DNAJC1: variants seen among roughly 807,000 people sequenced by gnomAD.
The protein encoded by DNAJC1 is dnaJ homolog subfamily C member 1.
In DNAJC1, 58 loss-of-function variants were observed where a neutral mutation model predicts 76.6. The ratio of observed to expected loss-of-function variants is 0.76; its 90% CI spans 0.61 to 0.94. The LOEUF (loss-of-function observed/expected upper bound fraction) is 0.94, where lower values mean the gene tolerates loss of function less well. Among genes scored for constraint, DNAJC1 ranks in the 40% least tolerant of loss-of-function variants. The probability of loss-of-function intolerance (pLI) is 0.00; values close to 1 mark genes in which losing one functional copy is unlikely to be tolerated. For missense variants in DNAJC1, 689 were observed against 677.3 expected, an observed-to-expected ratio of 1.02 and a Z score of -0.19; for synonymous variants, 258 against 267.9, an observed-to-expected ratio of 0.96 and a Z score of 0.36.
chr10:21,851,815 G>A (rs745401252), intron 8 of DNAJC1, among the ~76,000 whole-genome samples: 96 of 152,090 alleles, frequency 6.3e-4, no homozygotes, highest in Middle Eastern at 3.2e-3. Context: ...AGCACTTTGG[G>A]AGGCCGAGAC....
intron 1 of DNAJC1, among the ~76,000 whole-genome samples, chr10:21,971,290 T>C (rs1837973467): frequency 1.3e-5 from 2 of 151,864 alleles, no homozygotes; most frequent in Non-Finnish European, 3.0e-5. Flanking sequence ...CAGTAATAGC[T>C]GGCAATGAAA....
intron 1 of DNAJC1, among the ~76,000 whole-genome samples, chr10:21,957,999 G>C (rs1837720408): frequency 6.6e-6 from 1 of 152,052 alleles, no homozygotes; most frequent in African/African-American, 2.4e-5. Flanking sequence ...GGGCTTTACT[G>C]TAATATTCAG....
chr10:21,803,960 C>A, intron 9 of DNAJC1: 1 of 983,708 alleles, frequency 1.0e-6, no homozygotes, highest in East Asian at 1.1e-4. Context: ...ATTGCAGACA[C>A]GGAATCATTC....
At chr10:21,909,132 C>T (rs1836811369) in intron 6 of DNAJC1, among the ~76,000 whole-genome samples, 1 of 152,220 alleles carries the variant, frequency 6.6e-6, no homozygotes, top group Admixed American at 6.5e-5. Context: ...AGGTGATCTG[C>T]CTGCTTCGGC....
At chr10:21,823,280 C>T (rs1329689045) in intron 8 of DNAJC1, among the ~76,000 whole-genome samples, 1 of 152,038 alleles carries the variant, frequency 6.6e-6, no homozygotes, top group Non-Finnish European at 1.5e-5. Flanking sequence ...CTCCTTATGA[C>T]CAGTGGTATA....
intron 6 of DNAJC1, among the ~76,000 whole-genome samples, chr10:21,914,582 C>T (rs1836922067): frequency 6.6e-6 from 1 of 152,086 alleles, no homozygotes; most frequent in Non-Finnish European, 1.5e-5. Flanking sequence ...CTTGTCATAT[C>T]AGATTTACCT....
At chr10:21,757,031 G>A (rs1342000159) in intron 11 of DNAJC1, among the ~76,000 whole-genome samples, 1 of 152,190 alleles carries the variant, frequency 6.6e-6, no homozygotes, top group East Asian at 1.9e-4. Flanking sequence ...TCATAATCGG[G>A]TCTTTCAGCC....
At chr10:21,866,187 A>G (rs1356495773) in intron 8 of DNAJC1, among the ~76,000 whole-genome samples, 2 of 151,512 alleles carry the variant, frequency 1.3e-5, no homozygotes, top group Non-Finnish European at 2.9e-5. Flanking sequence ...AAGCAAAAAA[A>G]TAAAAAACCC....
intron 3 of DNAJC1, among the ~76,000 whole-genome samples, chr10:21,921,424 TACCCCTAA>T (rs1389160144): frequency 3.3e-5 from 5 of 152,038 alleles, no homozygotes; most frequent in Admixed American, 3.3e-4. Context: ...CTTTTATGTC[TACCCCTAA>T]ACTACGGTGG....
intron 8 of DNAJC1, among the ~76,000 whole-genome samples, chr10:21,861,971 T>C (rs1009771072): frequency 2.0e-5 from 3 of 151,962 alleles, no homozygotes; most frequent in African/African-American, 7.3e-5. Context: ...CAGGCTAGAG[T>C]GCAATGGCGC....
intron 9 of DNAJC1, among the ~76,000 whole-genome samples, chr10:21,796,265 C>T (rs946467574): frequency 4.6e-5 from 7 of 152,188 alleles, no homozygotes; most frequent in Admixed American, 6.5e-5. Flanking sequence ...CCACCTCACC[C>T]GGCCATTCCT....
At chr10:21,844,812 A>T (rs1048645920) in intron 8 of DNAJC1, among the ~76,000 whole-genome samples, 14 of 152,190 alleles carry the variant, frequency 9.2e-5, no homozygotes, top group African/African-American at 3.4e-4. Flanking sequence ...AGGTGGGAGG[A>T]TCAATTGAAC....
At chr10:21,930,822 T>C (rs1363397955) in intron 1 of DNAJC1, among the ~76,000 whole-genome samples, 1 of 152,192 alleles carries the variant, frequency 6.6e-6, no homozygotes, top group African/African-American at 2.4e-5. Flanking sequence ...AGACATCAAG[T>C]GTCAAATGAA....
chr10:21,963,088 G>A (rs1183741719), intron 1 of DNAJC1, among the ~76,000 whole-genome samples: 1 of 152,040 alleles, frequency 6.6e-6, no homozygotes, highest in Non-Finnish European at 1.5e-5. Context: ...GTTTCTTTGT[G>A]GTTCTTCCTG....
intron 7 of DNAJC1, among the ~76,000 whole-genome samples, chr10:21,903,413 CCTT>C (rs140219160): frequency 0.013 from 2,004 of 152,278 alleles, 45 homozygotes; most frequent in African/African-American, 0.045. Flanking sequence ...CATTCTTACT[CCTT>C]CTTAACAGAA....
At chr10:21,967,014 CT>C (rs11427152) in intron 1 of DNAJC1, among the ~76,000 whole-genome samples, 5,899 of 138,696 alleles carry the variant, frequency 0.043, 379 homozygotes, top group African/African-American at 0.14. Context: ...TCTTCTTCTT[CT>C]TTTTTTTTTT....
At chr10:21,757,131 A>ATT (rs1367197349) in intron 11 of DNAJC1, among the ~76,000 whole-genome samples, 1 of 152,236 alleles carries the variant, frequency 6.6e-6, no homozygotes, top group Admixed American at 6.5e-5. Flanking sequence ...CAGGTAGCCT[A>ATT]TTAGTCTTCT....
chr10:21,836,803 T>C (rs1835467543), intron 8 of DNAJC1, among the ~76,000 whole-genome samples: 1 of 152,176 alleles, frequency 6.6e-6, no homozygotes, highest in Non-Finnish European at 1.5e-5. Context: ...ATGCACCCGA[T>C]ACAGGAGCAC....
At chr10:21,867,581 G>C (rs1006429472) in intron 8 of DNAJC1, among the ~76,000 whole-genome samples, 11 of 152,078 alleles carry the variant, frequency 7.2e-5, no homozygotes, top group Admixed American at 3.3e-4. Flanking sequence ...GGAATCTATT[G>C]AAATAGCTGC....
Sources: gnomAD v4.1 joint callset for allele counts (sites outside exome capture counted in the v4.1 genomes callset) on GRCh38, gnomAD v4.1.1 for gene constraint, MANE v1.5 for transcripts, NCBI Gene and HGNC (gene_info 2026-07-23, HGNC 2026-07-21) for gene names.